SEMA3D: variants seen among roughly 807,000 people sequenced by gnomAD.
SEMA3D encodes semaphorin-3D.
In SEMA3D, 84 loss-of-function variants were observed where a neutral mutation model predicts 100.1. That is an observed-to-expected ratio of 0.84 (90% CI 0.70 to 1.01). The LOEUF (loss-of-function observed/expected upper bound fraction) is 1.01, where lower values mean the gene tolerates loss of function less well. Ranked by LOEUF, SEMA3D falls within the 50% of genes least tolerant of loss-of-function variation. The probability of loss-of-function intolerance (pLI) is 0.00; values close to 1 mark genes in which losing one functional copy is unlikely to be tolerated. For missense variants in SEMA3D, 875 were observed against 934.1 expected (o/e 0.94, Z 0.82); for synonymous variants, 312 against 320.7 (o/e 0.97, Z 0.29).
chr7:85,026,557 C>T (rs1274964673), intron 12 of SEMA3D, among the ~76,000 whole-genome samples: 2 of 152,058 alleles, frequency 1.3e-5, no homozygotes, highest in Admixed American at 1.3e-4. Context: ...CTGTAGTTTT[C>T]AGTCTCCTTT....
chr7:85,058,535 A>G (rs1213876130), intron 8 of SEMA3D, among the ~76,000 whole-genome samples: 2 of 152,050 alleles, frequency 1.3e-5, no homozygotes, highest in Non-Finnish European at 2.9e-5. Context: ...ATCACGAGGT[A>G]AAGAGATAGA....
intron 4 of SEMA3D, among the ~76,000 whole-genome samples, chr7:85,082,908 T>C (rs761317449): frequency 6.6e-6 from 1 of 152,172 alleles, no homozygotes; most frequent in African/African-American, 2.4e-5. Flanking sequence ...CAGCTAACCT[T>C]GATAAGGTAC....
At chr7:85,183,953 C>G (rs1011108174) in intron 1 of SEMA3D, among the ~76,000 whole-genome samples, 3 of 152,020 alleles carry the variant, frequency 2.0e-5, no homozygotes, top group Non-Finnish European at 2.9e-5. Flanking sequence ...TTAATACAAC[C>G]ATGGGATTTC....
chr7:85,007,108 AGATT>A (rs1789819952), intron 17 of SEMA3D, among the ~76,000 whole-genome samples, 167 bp from the exon 18 acceptor site: 1 of 151,942 alleles, frequency 6.6e-6, no homozygotes, highest in Non-Finnish European at 1.5e-5. Context: ...ATTACACAAC[AGATT>A]GATTTTTAAA....
intron 9 of SEMA3D, among the ~76,000 whole-genome samples, chr7:85,046,838 C>T (rs1397441480): frequency 6.6e-6 from 1 of 151,924 alleles, no homozygotes; most frequent in Non-Finnish European, 1.5e-5. Context: ...CACCTCCTTG[C>T]TTATTTTTGT....
intron 1 of SEMA3D, among the ~76,000 whole-genome samples, chr7:85,183,942 C>T (rs1419204439): frequency 1.3e-5 from 2 of 151,998 alleles, no homozygotes. Flanking sequence ...AGGAAATGTT[C>T]TTAATACAAC....
At chr7:85,018,677 C>T (rs1221848436) in intron 14 of SEMA3D, among the ~76,000 whole-genome samples, 2 of 151,740 alleles carry the variant, frequency 1.3e-5, no homozygotes, top group Non-Finnish European at 1.5e-5. Flanking sequence ...TCTGCTCTTA[C>T]TTAGATCAGT....
At chr7:85,197,153 G>A in the SEMA3D span, among the ~76,000 whole-genome samples, 1 of 152,088 alleles carries the variant, frequency 6.6e-6, no homozygotes, top group Non-Finnish European at 1.5e-5. Context: ...CTGCAAAGCT[G>A]TCCTTTGTGG....
At chr7:85,116,359 AATATATTTAT>A (rs1208077300) in intron 3 of SEMA3D, among the ~76,000 whole-genome samples, 30 of 146,254 alleles carry the variant, frequency 2.1e-4, no homozygotes, top group Admixed American at 8.9e-4. Context: ...TATATATTAT[AATATATTTAT>A]ATATATTTAT....
intron 3 of SEMA3D, among the ~76,000 whole-genome samples, chr7:85,103,308 CTCA>C (rs892799947): frequency 6.6e-6 from 1 of 151,994 alleles, no homozygotes; most frequent in Admixed American, 6.6e-5. Flanking sequence ...TGGGTTCAAA[CTCA>C]TCAAAGTTGA....
chr7:85,055,505 CTTCTTT>C (rs1470918738), intron 9 of SEMA3D, among the ~76,000 whole-genome samples: 1 of 151,100 alleles, frequency 6.6e-6, no homozygotes, highest in Non-Finnish European at 1.5e-5. Context: ...TCTTTCTTTT[CTTCTTT>C]TTCTTTTCTT....
chr7:85,075,283 A>G (rs901509765), intron 5 of SEMA3D, among the ~76,000 whole-genome samples: 2 of 152,154 alleles, frequency 1.3e-5, no homozygotes, highest in Non-Finnish European at 2.9e-5. Context: ...ATTTGGATAA[A>G]GAAATATAAC....
chr7:85,215,613 T>C, the SEMA3D span, among the ~76,000 whole-genome samples: 4 of 152,092 alleles, frequency 2.6e-5, no homozygotes, highest in Non-Finnish European at 5.9e-5. Flanking sequence ...AAAAATTCAT[T>C]AAAGGCCCTA....
chr7:85,198,107 A>T, the SEMA3D span, among the ~76,000 whole-genome samples: 1 of 152,146 alleles, frequency 6.6e-6, no homozygotes, highest in Non-Finnish European at 1.5e-5. Flanking sequence ...ACCCCACAAG[A>T]TTAGGAGAAT....
chr7:85,166,514 G>A (rs911264823), intron 1 of SEMA3D, among the ~76,000 whole-genome samples: 2 of 151,936 alleles, frequency 1.3e-5, no homozygotes, highest in Non-Finnish European at 2.9e-5. Context: ...TATTACTAAG[G>A]ACCAGACATT....
At chr7:85,092,460 T>C (rs1168226233) in intron 4 of SEMA3D, among the ~76,000 whole-genome samples, 3 of 152,028 alleles carry the variant, frequency 2.0e-5, no homozygotes, top group Admixed American at 6.6e-5. Flanking sequence ...TGTAGTCACT[T>C]ATAAAGTATC....
the SEMA3D span, among the ~76,000 whole-genome samples, chr7:85,244,185 A>G: frequency 8.4e-6 from 1 of 118,828 alleles, no homozygotes; most frequent in African/African-American, 2.6e-5. Flanking sequence ...ATAACAGCAG[A>G]GAAGAAGAAA....
chr7:85,186,260 G>T (rs1251500660), intron 1 of SEMA3D, among the ~76,000 whole-genome samples: 4 of 152,170 alleles, frequency 2.6e-5, no homozygotes, highest in Non-Finnish European at 5.9e-5. Flanking sequence ...CCTGCAGCCT[G>T]CGGAAGCCGG....
chr7:85,132,258 A>C (rs1789745052), intron 2 of SEMA3D, among the ~76,000 whole-genome samples: 1 of 151,938 alleles, frequency 6.6e-6, no homozygotes, highest in South Asian at 2.1e-4. Context: ...CAAGAAAACA[A>C]AAATTATTTT....
Sources: gnomAD v4.1 joint callset for allele counts (sites outside exome capture counted in the v4.1 genomes callset) on GRCh38, gnomAD v4.1.1 for gene constraint, MANE v1.5 for transcripts, NCBI Gene and HGNC (gene_info 2026-07-23, HGNC 2026-07-21) for gene names.